GALNT2: variants seen among roughly 807,000 people sequenced by gnomAD.
The protein encoded by GALNT2 is UDP-GalNAc:polypeptide N-acetylgalactosaminyltransferase 2.
GALNT2 carries 31 observed loss-of-function variants against 81.4 expected under a neutral mutation model. The ratio of observed to expected loss-of-function variants is 0.38; its 90% CI spans 0.29 to 0.51. The LOEUF (loss-of-function observed/expected upper bound fraction) is 0.51, where lower values mean the gene tolerates loss of function less well. Among genes scored for constraint, GALNT2 ranks in the 20% least tolerant of loss-of-function variants. The pLI is 0.87. For synonymous variants in GALNT2, 303 were observed against 287.4 expected, an observed-to-expected ratio of 1.05 and a Z score of -0.55; for missense variants, 629 against 765.7, an observed-to-expected ratio of 0.82 and a Z score of 2.11.
intron 1 of GALNT2, among the ~76,000 whole-genome samples, chr1:230,106,567 G>A (rs1038697350): frequency 1.3e-5 from 2 of 152,256 alleles, no homozygotes; most frequent in African/African-American, 4.8e-5. Flanking sequence ...GGCTTTTGGA[G>A]GTTGAGATGG....
chr1:230,156,555 A>G (rs1424044226), intron 1 of GALNT2, among the ~76,000 whole-genome samples: 2 of 152,080 alleles, frequency 1.3e-5, no homozygotes, highest in African/African-American at 2.4e-5. Flanking sequence ...TGCTTCCTAG[A>G]TGCTGGATAT....
At chr1:230,138,558 A>G (rs1490770378) in intron 1 of GALNT2, among the ~76,000 whole-genome samples, 2 of 151,998 alleles carry the variant, frequency 1.3e-5, no homozygotes, top group Admixed American at 6.6e-5. Flanking sequence ...AACAGAAGAA[A>G]GAATGGCCAC....
Position 230,079,507 on chromosome 1 carries a change from C to G in GALNT2, c.126+12101C>G, listed in dbSNP as rs117628680. ...AGTGTTCCTCCACCTGCCTAAAGTA[C>G]GGCTCTGGAGAAAGTCAGCCCTGGC... On this transcript the variant is annotated intron_variant, in intron 1 of 15. Transcript: ENST00000366672. Among the ~76,000 whole-genome samples, 562 of 152,366 alleles carry G rather than the reference C, an allele frequency of 3.7e-3. 4 individuals are homozygous for G. The highest frequency in any genetic ancestry group is 0.029 in the East Asian group (149 of 5,188).
chr1:230,147,144 CA>C (rs2102831099), intron 1 of GALNT2, among the ~76,000 whole-genome samples: 1 of 152,208 alleles, frequency 6.6e-6, no homozygotes, highest in African/African-American at 2.4e-5. Context: ...TGGGCAGTGC[CA>C]AGCTGGGGGA....
intron 8 of GALNT2, among the ~76,000 whole-genome samples, chr1:230,247,747 G>A (rs575591229): frequency 1.3e-5 from 2 of 152,028 alleles, no homozygotes; most frequent in Non-Finnish European, 2.9e-5. Context: ...ACGGGGCCAC[G>A]TTCACCCTAA....
At chr1:230,197,218 T>G (rs1361797583) in intron 2 of GALNT2, among the ~76,000 whole-genome samples, 2 of 152,062 alleles carry the variant, frequency 1.3e-5, no homozygotes, top group Non-Finnish European at 2.9e-5. Flanking sequence ...CAGATGGAAA[T>G]GAAAGGATAC....
intron 3 of GALNT2, among the ~76,000 whole-genome samples, chr1:230,212,333 GT>G (rs1436048571): frequency 5.9e-5 from 9 of 152,220 alleles, no homozygotes; most frequent in African/African-American, 2.2e-4. Context: ...AGAGATGGGT[GT>G]TGGTAACTTG....
intron 11 of GALNT2, among the ~76,000 whole-genome samples, chr1:230,256,445 C>CA (rs35831707): frequency 0.037 from 3,972 of 108,276 alleles, 85 homozygotes; most frequent in African/African-American, 0.073. Flanking sequence ...GACTCTGTCT[C>CA]AAAAAAAAAA....
chr1:230,175,381 G>A (rs1263664805), intron 1 of GALNT2, among the ~76,000 whole-genome samples: 2 of 151,866 alleles, frequency 1.3e-5, no homozygotes, highest in African/African-American at 2.4e-5. Context: ...AGCCTCATAC[G>A]AACACTAAAT....
intron 1 of GALNT2, among the ~76,000 whole-genome samples, chr1:230,177,565 A>C (rs762626823): frequency 6.3e-4 from 96 of 152,376 alleles, no homozygotes; most frequent in Non-Finnish European, 1.1e-3. Context: ...AAATTAGAGT[A>C]AATTGTTTGC....
intron 2 of GALNT2, among the ~76,000 whole-genome samples, chr1:230,192,401 T>C (rs1663557265): frequency 6.6e-6 from 1 of 152,222 alleles, no homozygotes; most frequent in Non-Finnish European, 1.5e-5. Flanking sequence ...TAGTCACTGG[T>C]TAACAGATGC....
At chr1:230,250,187 CAG>C (rs1665499524) in intron 9 of GALNT2, among the ~76,000 whole-genome samples, 1 of 152,236 alleles carries the variant, frequency 6.6e-6, no homozygotes, top group Non-Finnish European at 1.5e-5. Flanking sequence ...CCAGCCCCAG[CAG>C]TCGCTCCCAC....
chr1:230,195,212 C>A (rs189331817), intron 2 of GALNT2, among the ~76,000 whole-genome samples: 1 of 152,232 alleles, frequency 6.6e-6, no homozygotes, highest in East Asian at 1.9e-4. Context: ...ACTTGGGAGT[C>A]ACTGAGGTGC....
Position 230,178,319 on chromosome 1 carries a change from CA to C in GALNT2, c.220+9del, listed in dbSNP as rs779801797. On this transcript the variant is annotated intron_variant, in intron 2 of 15. Coordinates refer to ENST00000366672, the MANE Select transcript of GALNT2 (RefSeq NM_004481.5). The stretch of plus-strand genomic sequence containing the variant: ...TGGAGACCCTCCCTCCAGGTACTGC[CA>C]GGGGCCAGGAAGCCATCTTGCTTTG... The C allele has an allele frequency of 4.4e-6, 7 of 1,607,458 alleles. No homozygotes were observed. The African/African-American group carries it at 8.0e-5, about 18-fold the overall frequency.
chr1:230,221,082 T>C lies in GALNT2; in HGVS notation c.375-14932T>C, dbSNP rs191124902. ...TGTCTCTGGTGAACATCCTTCCTAA[T>C]TTGTCTCATACCCTCTGATGTTCGA... On this transcript the variant is annotated intron_variant, in intron 3 of 15. Transcript: ENST00000366672. Among the ~76,000 whole-genome samples the C allele has an allele frequency of 2.0e-5, 3 of 152,320 alleles. No individual in the cohort carries two copies. The East Asian group carries it at 5.8e-4, about 29-fold the overall frequency.
chr1:230,267,552 G>T (rs1666068454), intron 14 of GALNT2, among the ~76,000 whole-genome samples: 1 of 152,240 alleles, frequency 6.6e-6, no homozygotes. Flanking sequence ...CTTCAGGTGT[G>T]GGTGCACACA....
In GALNT2 at chr1:230,193,319, A is replaced by G. The variant is rs1663586027; in HGVS notation, c.221-9818A>G. Among the ~76,000 whole-genome samples, 1 of 152,164 alleles carries G rather than the reference A, an allele frequency of 6.6e-6. No homozygotes were observed. The highest frequency in any genetic ancestry group is 1.5e-5 in the Non-Finnish European group (1 of 68,016). On this transcript the variant is annotated intron_variant, in intron 2 of 15. Coordinates refer to ENST00000366672, the MANE Select transcript of GALNT2 (RefSeq NM_004481.5). This position sits in a 1 kb window ranked among gnomAD's most constrained non-coding sequence, Gnocchi z 4.3. ...CACAACGGGACCTGCATCCAGGAAG[A>G]TACCTCCCCTCCCCTTGTACACCTG...
intron 1 of GALNT2, among the ~76,000 whole-genome samples, chr1:230,109,553 C>A (rs1199490789): frequency 1.3e-5 from 2 of 152,186 alleles, no homozygotes; most frequent in Admixed American, 1.3e-4. Flanking sequence ...GTTGGCTGGG[C>A]GCAGTGGCTC....
intron 1 of GALNT2, among the ~76,000 whole-genome samples, chr1:230,112,439 T>G (rs1660731237): frequency 6.6e-6 from 1 of 151,826 alleles, no homozygotes; most frequent in Non-Finnish European, 1.5e-5. Context: ...GTTCCTGTTT[T>G]CATGGAGTCG....
Sources: gnomAD v4.1 joint callset for allele counts (sites outside exome capture counted in the v4.1 genomes callset) on GRCh38, gnomAD v4.1.1 for gene constraint, Gnocchi (gnomAD v3.1) non-coding constraint, MANE v1.5 for transcripts, NCBI Gene and HGNC (gene_info 2026-07-23, HGNC 2026-07-21) for gene names.